MAP3K8: variants seen among roughly 807,000 people sequenced by gnomAD.
The protein encoded by MAP3K8 is mitogen-activated protein kinase kinase kinase 8.
In MAP3K8, 22 loss-of-function variants were observed where a neutral mutation model predicts 45.8. The observed-to-expected ratio is 0.48, with a 90% confidence interval of 0.34 to 0.69. MAP3K8 has a LOEUF of 0.69. Among genes scored for constraint, MAP3K8 ranks in the 30% least tolerant of loss-of-function variants. The probability of loss-of-function intolerance (pLI) is 0.01; values close to 1 mark genes in which losing one functional copy is unlikely to be tolerated. For missense variants in MAP3K8, 419 were observed against 585.0 expected, an observed-to-expected ratio of 0.72 and a Z score of 2.93; for synonymous variants, 223 against 214.3, an observed-to-expected ratio of 1.04 and a Z score of -0.36.
Position 30,460,757 on chromosome 10 carries a change from GCT to G in MAP3K8, c.1332_1333del (p.Tyr445HisfsTer20). ...GAATCTGAGATGCTCAAGAGGCAAC[GCT>G]CTCTCTACATCGACCTCGGCGCTCT... On this transcript the variant is annotated frameshift_variant, in exon 9 of 9. Transcript: ENST00000263056. LOFTEE classifies it high-confidence loss of function. 6.2e-7 allele frequency: 1 copy of G among 1,613,630 alleles called. No individual in the cohort carries two copies. The highest frequency in any genetic ancestry group is 8.5e-7 in the Non-Finnish European group (1 of 1,179,790).
chr10:30,440,190 C>CT (rs1836052283), intron 3 of MAP3K8, among the ~76,000 whole-genome samples: 1 of 152,210 alleles, frequency 6.6e-6, no homozygotes, highest in African/African-American at 2.4e-5. Flanking sequence ...GCCTGGGATT[C>CT]TGTCAGGCTT....
At chr10:30,457,994 A>G (rs2132832947) in intron 6 of MAP3K8, 90 bp from the exon 7 acceptor site, 1 of 1,177,968 alleles carries the variant, frequency 8.5e-7, no homozygotes, top group South Asian at 2.0e-5. Flanking sequence ...AGTTTAAGGC[A>G]AATGAGCCAA....
chr10:30,458,419 A>G (rs1014728045), intron 7 of MAP3K8, among the ~76,000 whole-genome samples, 183 bp downstream of exon 7: 3 of 152,242 alleles, frequency 2.0e-5, no homozygotes, highest in African/African-American at 4.8e-5. Context: ...CAAAGAAAAC[A>G]TAGCTATTTT....
chr10:30,455,085 C>G (rs1164078492), intron 6 of MAP3K8, among the ~76,000 whole-genome samples: 1 of 152,136 alleles, frequency 6.6e-6, no homozygotes, highest in East Asian at 1.9e-4. Flanking sequence ...ACATATTTTA[C>G]TCCTGAGTAG....
rs772123870 is a variant in MAP3K8 at position 30,439,007 on chromosome 10, G to A, written c.69G>A (p.Val23=). The A allele has an allele frequency of 4.3e-6, 7 of 1,612,446 alleles. No individual in the cohort carries two copies. Among genetic ancestry groups the A allele is most frequent in the African/African-American group, 2.7e-5 (2 of 74,900 alleles). Residue 23 remains valine (V), a synonymous_variant, in exon 3 of 9, where the codon GTG becomes GTA. Transcript: ENST00000263056. The part of the protein sequence containing the change: ...EIDLLIKHLN[V]SDVIDIMENL... ...ATTTATTAATTAAACATTTAAATGT[G>A]TCTGATGTAATAGACATTATGGAAA... is the stretch of plus-strand genomic sequence containing the variant.
At chr10:30,448,085 T>G (rs1836402157) in intron 4 of MAP3K8, 136 bp downstream of exon 4, 1 of 745,008 alleles carries the variant, frequency 1.3e-6, no homozygotes, top group Non-Finnish European at 2.1e-6. Flanking sequence ...TCAAAGCATT[T>G]GTTTTTCTGA....
At chr10:30,454,118 G>A (rs1484725054) in intron 6 of MAP3K8, among the ~76,000 whole-genome samples, 1 of 152,096 alleles carries the variant, frequency 6.6e-6, no homozygotes, top group East Asian at 1.9e-4. Flanking sequence ...CACTACCGGG[G>A]GAAGCTGCAC....
At chr10:30,444,196 A>G (rs1836226388) in intron 3 of MAP3K8, among the ~76,000 whole-genome samples, 1 of 152,070 alleles carries the variant, frequency 6.6e-6, no homozygotes, top group Admixed American at 6.5e-5. Context: ...TCTTAAAAAA[A>G]AAAAAAATTT....
At position 30,439,017 on chromosome 10, in the gene MAP3K8, A is replaced by G. The variant is rs1836004779; in HGVS notation, c.79A>G (p.Ile27Val). The G allele has an allele frequency of 6.2e-7, 1 of 1,611,258 alleles. No homozygotes were observed. The highest frequency in any genetic ancestry group is 1.1e-5 in the South Asian group (1 of 91,028). The change falls in exon 3 of 9, where the codon ATA becomes GTA. Residue 27 changes from isoleucine to valine, a missense_variant. Physicochemically the swap from Ile to Val is conservative, Grantham distance 29. Transcript: ENST00000263056. ...TAAACATTTAAATGTGTCTGATGTA[A>G]TAGACATTATGGAAAATCTTTATGC... ...LIKHLNVSDVIDIMENLYASE... is the reference protein window; with the variant it reads ...LIKHLNVSDVVDIMENLYASE...
chr10:30,445,378 C>G (rs943911343), intron 3 of MAP3K8, among the ~76,000 whole-genome samples: 1 of 152,154 alleles, frequency 6.6e-6, no homozygotes, highest in African/African-American at 2.4e-5. Context: ...CCACTGCACT[C>G]AAGCCTGGGT....
At chr10:30,438,756 C>T (rs1056072267) in intron 2 of MAP3K8, 160 bp from the exon 3 acceptor site, 5 of 555,474 alleles carry the variant, frequency 9.0e-6, no homozygotes, top group Non-Finnish European at 1.6e-5. Flanking sequence ...TTCAACTCTG[C>T]ACTGTCAACT....
chr10:30,439,454 A>G (rs562407706), intron 3 of MAP3K8, 180 bp downstream of exon 3: 5 of 1,207,968 alleles, frequency 4.1e-6, no homozygotes, highest in Non-Finnish European at 5.7e-6. Context: ...TCTTCATTAA[A>G]ATTTCTATTT....
At chr10:30,442,981 A>G (rs1170583298) in intron 3 of MAP3K8, among the ~76,000 whole-genome samples, 1 of 152,188 alleles carries the variant, frequency 6.6e-6, no homozygotes, top group Non-Finnish European at 1.5e-5. Flanking sequence ...CAAGGAGCTC[A>G]TTACACACTG....
chr10:30,461,009 C>A lies in MAP3K8; in HGVS notation c.*173C>A. 3.1e-6 allele frequency: 2 copies of A among 638,470 alleles called. No homozygotes were observed. Among genetic ancestry groups the A allele is most frequent in the Non-Finnish European group, 5.0e-6 (2 of 397,430 alleles). 39.6% of individuals were successfully genotyped at this position (638,470 alleles called of 1,614,324 possible). A position where few individuals can be genotyped will look rare whatever the true frequency, so the allele number is the denominator to read the frequency against. ...GGCCCTGTGTGTTTGACATGTGAAG[C>A]TATTTGATATGCACCAGGTCTCAAG... On this transcript the variant is annotated 3_prime_UTR_variant, in exon 9 of 9. Transcript: ENST00000263056.
At chr10:30,442,688 G>A (rs934085133) in intron 3 of MAP3K8, among the ~76,000 whole-genome samples, 5 of 152,136 alleles carry the variant, frequency 3.3e-5, no homozygotes, top group East Asian at 1.9e-4. Flanking sequence ...AACCTGGCCC[G>A]GGAACAAATA....
rs1427126880 is a variant in MAP3K8, at chr10:30,460,691, T to C, written c.1274-15T>C. Reference sequence around the variant, plus strand: ...CGTTTTCTTGTTACTTACTTTGTAATGTTTTCCTTTTCAGATTCTTCGTGC... The same window carrying C: ...CGTTTTCTTGTTACTTACTTTGTAACGTTTTCCTTTTCAGATTCTTCGTGC... On this transcript the variant is annotated splice_polypyrimidine_tract_variant and intron_variant, in intron 8 of 8. Coordinates refer to ENST00000263056, the MANE Select transcript of MAP3K8 (RefSeq NM_005204.4). The C allele has an allele frequency of 6.3e-7, 1 of 1,597,156 alleles. No individual in the cohort carries two copies. Among genetic ancestry groups the C allele is most frequent in the Non-Finnish European group, 8.5e-7 (1 of 1,170,532 alleles).
At chr10:30,456,015 G>A (rs977134470) in intron 6 of MAP3K8, among the ~76,000 whole-genome samples, 1 of 152,204 alleles carries the variant, frequency 6.6e-6, no homozygotes, top group African/African-American at 2.4e-5. Context: ...AGGCTGCCTA[G>A]GCGTGCAGTC....
Position 30,439,178 on chromosome 10 carries a change from T to C in MAP3K8, c.240T>C (p.Thr80=). The C allele has an allele frequency of 6.2e-7, 1 of 1,614,246 alleles. No individual in the cohort carries two copies. The highest frequency in any genetic ancestry group is 1.1e-5 in the South Asian group (1 of 91,090). Residue 80 remains threonine (T), a synonymous_variant, in exon 3 of 9, where the codon ACT becomes ACC. Coordinates refer to ENST00000263056, the MANE Select transcript of MAP3K8 (RefSeq NM_005204.4). The part of the protein sequence containing the change: ...VPWLSSVRYG[T]VEDLLAFANH... ...GGTTGTCATCAGTCAGATATGGAAC[T>C]GTGGAGGATTTGCTTGCTTTTGCAA...
intron 7 of MAP3K8, 131 bp from the exon 8 acceptor site, chr10:30,459,124 G>A: frequency 1.1e-6 from 1 of 928,258 alleles, no homozygotes; most frequent in Non-Finnish European, 1.7e-6. Flanking sequence ...CTTGCTTAAG[G>A]GCTGAACTGC....
Sources: allele counts gnomAD v4.1 joint callset (sites outside exome capture counted in the v4.1 genomes callset), GRCh38; gene constraint gnomAD v4.1.1; transcripts MANE v1.5; gene names NCBI Gene and HGNC (gene_info 2026-07-23, HGNC 2026-07-21).